Variants in SBF2 observed in about 807,000 individuals in gnomAD.
The protein encoded by SBF2 is myotubularin-related protein 13.
A neutral mutation model predicts 225.2 loss-of-function variants in SBF2; 112 were observed. The observed-to-expected ratio is 0.50, with a 90% CI of 0.43 to 0.58. The LOEUF (loss-of-function observed/expected upper bound fraction) is 0.58. SBF2 is among the 20% of genes least tolerant of loss of function. The pLI is 0.00. For synonymous variants in SBF2, 763 were observed against 773.3 expected, an observed-to-expected ratio of 0.99 and a Z score of 0.22; for missense variants, 1,996 against 2,206.2, an observed-to-expected ratio of 0.90 and a Z score of 1.91.
At chr11:9,785,824 C>T (rs1036425302) in intron 36 of SBF2, among the ~76,000 whole-genome samples, 1 of 152,058 alleles carries the variant, frequency 6.6e-6, no homozygotes, top group Non-Finnish European at 1.5e-5. Context: ...TGCACTCCAG[C>T]CTAGGTGACA....
intron 2 of SBF2, among the ~76,000 whole-genome samples, chr11:10,190,927 A>G (rs1565338345): frequency 6.6e-6 from 1 of 152,218 alleles, no homozygotes; most frequent in Non-Finnish European, 1.5e-5. Flanking sequence ...CTTGGCTGAC[A>G]CTAAGAGTCA....
At chr11:9,800,287 T>C (rs76093355) in intron 32 of SBF2, among the ~76,000 whole-genome samples, 2,185 of 152,276 alleles carry the variant, frequency 0.014, 55 homozygotes, top group African/African-American at 0.05. Context: ...AAGGTTTCTT[T>C]ATGTGTTCTA....
intron 1 of SBF2, among the ~76,000 whole-genome samples, chr11:10,212,438 G>C (rs1444628991): frequency 1.3e-5 from 2 of 152,068 alleles, no homozygotes; most frequent in African/African-American, 4.8e-5. Context: ...CTTTCTTTAG[G>C]GAAGGCTATG....
intron 6 of SBF2, among the ~76,000 whole-genome samples, chr11:10,026,560 G>A (rs1438112080): frequency 2.0e-5 from 3 of 152,034 alleles, no homozygotes. Context: ...GCGAGACCCT[G>A]TCTCTATAAA....
chr11:10,204,478 A>C (rs890641005), intron 1 of SBF2, among the ~76,000 whole-genome samples: 1 of 151,894 alleles, frequency 6.6e-6, no homozygotes, highest in African/African-American at 2.4e-5. Context: ...GTCTCTACTA[A>C]AAACACAAAA....
chr11:10,097,287 G>A lies in SBF2; in HGVS notation c.142-54306C>T, dbSNP rs138696214. Among the ~76,000 whole-genome samples the A allele has an allele frequency of 2.1e-3, 325 of 152,318 alleles. 2 individuals carry two copies. Among genetic ancestry groups the A allele is most frequent in the African/African-American group, 6.3e-3 (261 of 41,558 alleles). On this transcript the variant is annotated intron_variant, in intron 2 of 39. Transcript: ENST00000256190. ...AACAAACTTTCTGCAACCTTTAAGC[G>A]TGGATTTCCCGGCCTTGAGAACTGT...
chr11:9,794,699 A>AAAAAAAAAAAAAAAAAAAAG (rs1564859829), intron 33 of SBF2, among the ~76,000 whole-genome samples: 1 of 147,162 alleles, frequency 6.8e-6, no homozygotes, highest in Admixed American at 6.8e-5. Context: ...AAAAAAAAAA[A>AAAAAAAAAAAAAAAAAAAAG]AAAAAAAAGA....
At chr11:9,887,733 T>C (rs1248772589) in intron 17 of SBF2, among the ~76,000 whole-genome samples, 1 of 152,138 alleles carries the variant, frequency 6.6e-6, no homozygotes, top group South Asian at 2.1e-4. Flanking sequence ...GACTAATTTA[T>C]TTTTAAGATT....
At chr11:9,828,344 C>A in intron 28 of SBF2, 2 of 1,175,932 alleles carry the variant, frequency 1.7e-6, no homozygotes, top group Non-Finnish European at 2.1e-6. Context: ...TTTTAAGTAC[C>A]CAAAGCTTTA....
At chr11:10,098,806 A>C (rs1394512882) in intron 2 of SBF2, among the ~76,000 whole-genome samples, 2 of 152,000 alleles carry the variant, frequency 1.3e-5, no homozygotes, top group Admixed American at 6.6e-5. Context: ...AAAAGAAAGA[A>C]TCTACAAACT....
intron 2 of SBF2, among the ~76,000 whole-genome samples, chr11:10,153,958 A>T (rs1385215752): frequency 2.6e-5 from 4 of 151,996 alleles, no homozygotes; most frequent in Admixed American, 1.3e-4. Flanking sequence ...CATTTTTTTT[A>T]AAAATCGGTT....
At chr11:10,176,142 C>T (rs1357981133) in intron 2 of SBF2, among the ~76,000 whole-genome samples, 7 of 131,680 alleles carry the variant, frequency 5.3e-5, no homozygotes, top group African/African-American at 1.1e-4. Context: ...TTGAAACCAA[C>T]GAGAACAAAG....
chr11:9,932,020 A>G (rs1407454917), intron 16 of SBF2, among the ~76,000 whole-genome samples: 1 of 152,204 alleles, frequency 6.6e-6, no homozygotes, highest in Non-Finnish European at 1.5e-5. Context: ...CAACTGGAAG[A>G]AAGGGTATCA....
At chr11:10,124,130 A>G (rs2135064969) in intron 2 of SBF2, among the ~76,000 whole-genome samples, 1 of 152,328 alleles carries the variant, frequency 6.6e-6, no homozygotes, top group Admixed American at 6.5e-5. Flanking sequence ...GTTTCTGGCA[A>G]TATGTGTTTC....
chr11:10,193,759 G>A (rs1957269338), intron 2 of SBF2, 143 bp downstream of exon 2: 2 of 690,468 alleles, frequency 2.9e-6, no homozygotes, highest in Non-Finnish European at 5.2e-6. Context: ...GACTAGGAGG[G>A]AAGATAACTA....
intron 1 of SBF2, among the ~76,000 whole-genome samples, chr11:10,194,994 G>GCT (rs1957306886): frequency 6.6e-6 from 1 of 152,176 alleles, no homozygotes; most frequent in Non-Finnish European, 1.5e-5. Flanking sequence ...AGTAACAAAT[G>GCT]AAATGGCACT....
intron 14 of SBF2, among the ~76,000 whole-genome samples, chr11:9,967,722 C>T (rs1327877900): frequency 2.6e-5 from 4 of 152,088 alleles, no homozygotes; most frequent in African/African-American, 7.2e-5. Flanking sequence ...TCGAGACCAG[C>T]CTGACTAACA....
chr11:9,833,764 TCATGCTATCC>T (rs1487824289), intron 26 of SBF2, among the ~76,000 whole-genome samples: 52 of 144,492 alleles, frequency 3.6e-4, no homozygotes, highest in Non-Finnish European at 6.4e-4. Context: ...ATAAAATTTA[TCATGCTATCC>T]TTTTTTTTTT....
intron 33 of SBF2, among the ~76,000 whole-genome samples, chr11:9,794,647 A>G (rs1852978739): frequency 7.6e-6 from 1 of 130,930 alleles, no homozygotes; most frequent in Non-Finnish European, 1.6e-5. Context: ...CCTTGGAGAC[A>G]GAGTGATACA....
Sources: gnomAD v4.1 joint callset for allele counts (sites outside exome capture counted in the v4.1 genomes callset) on GRCh38, gnomAD v4.1.1 for gene constraint, MANE v1.5 for transcripts, NCBI Gene and HGNC (gene_info 2026-07-23, HGNC 2026-07-21) for gene names.